ROBO1: variants seen among roughly 807,000 people sequenced by gnomAD.
ROBO1 encodes the protein roundabout homolog 1.
A neutral mutation model predicts 195.9 loss-of-function variants in ROBO1; 149 were observed. The observed-to-expected ratio is 0.76, with a 90% CI of 0.67 to 0.87. The LOEUF is 0.87. ROBO1 is among the 40% of genes least tolerant of loss of function. The pLI is 0.00. For missense variants in ROBO1, 1,933 were observed against 2,068.3 expected, an observed-to-expected ratio of 0.93 and a Z score of 1.27; for synonymous variants, 816 against 733.2, an observed-to-expected ratio of 1.11 and a Z score of -1.82.
Position 79,693,428 on chromosome 3 carries a change from T to A in ROBO1, c.-51+74324A>T, listed in dbSNP as rs531811356. On this transcript the variant is annotated intron_variant, in intron 1 of 30. Transcript: ENST00000464233. ...GTGTGTGTGTGTGTGTGTGTCCTTG[T>A]TTTTTTGTTTGTTTGTTTTGACACA... is the stretch of plus-strand genomic sequence containing the variant. Among the ~76,000 whole-genome samples the A allele has an allele frequency of 2.0e-5, 3 of 151,246 alleles. No homozygotes were observed. The South Asian group carries it at 6.3e-4, about 32-fold the overall frequency.
At chr3:79,625,432 A>AAAAAAAAAAAAAAAAAAAAAAAAAAAAC in intron 1 of ROBO1, among the ~76,000 whole-genome samples, 1 of 143,278 alleles carries the variant, frequency 7.0e-6, no homozygotes, top group African/African-American at 2.5e-5. Context: ...TGAAAAAAAA[A>AAAAAAAAAAAAAAAAAAAAAAAAAAAAC]AAAAAAAAAA....
intron 1 of ROBO1, among the ~76,000 whole-genome samples, chr3:79,634,799 T>C (rs995112101): frequency 6.6e-6 from 1 of 152,210 alleles, no homozygotes; most frequent in African/African-American, 2.4e-5. Context: ...AAAATACTCT[T>C]GTTGTGCCTT....
At chr3:78,810,249 G>C (rs909243764) in intron 4 of ROBO1, among the ~76,000 whole-genome samples, 1 of 152,040 alleles carries the variant, frequency 6.6e-6, no homozygotes, top group Admixed American at 6.6e-5. Flanking sequence ...AATTTGTTTG[G>C]GACATTTTTG....
intron 2 of ROBO1, among the ~76,000 whole-genome samples, chr3:79,572,051 A>G (rs1301984868): frequency 6.6e-6 from 1 of 152,154 alleles, no homozygotes; most frequent in Non-Finnish European, 1.5e-5. Context: ...CTTAATGAAA[A>G]GAAAAATTTA....
chr3:79,459,479 G>C (rs886954524), intron 2 of ROBO1, among the ~76,000 whole-genome samples: 1 of 150,916 alleles, frequency 6.6e-6, no homozygotes, highest in Non-Finnish European at 1.5e-5. Flanking sequence ...GACAAGGAAA[G>C]AGTATATAGA....
intron 4 of ROBO1, among the ~76,000 whole-genome samples, chr3:78,907,662 T>C (rs1306453015): frequency 6.6e-6 from 1 of 152,070 alleles, no homozygotes; most frequent in Non-Finnish European, 1.5e-5. Context: ...TCTGATATAA[T>C]TTACGTCATT....
chr3:79,353,375 AAGAATAT>A (rs1347464931), intron 2 of ROBO1, among the ~76,000 whole-genome samples: 1 of 147,364 alleles, frequency 6.8e-6, no homozygotes, highest in Non-Finnish European at 1.5e-5. Flanking sequence ...ACCTCAAAAA[AAGAATAT>A]AGAAACACAC....
At chr3:78,957,306 A>AG (rs1318985519) in intron 3 of ROBO1, among the ~76,000 whole-genome samples, 2 of 151,852 alleles carry the variant, frequency 1.3e-5, no homozygotes, top group African/African-American at 4.8e-5. Flanking sequence ...GAATGCCAAA[A>AG]AAAAAAAAAA....
At chr3:79,370,335 G>A (rs2036145642) in intron 2 of ROBO1, among the ~76,000 whole-genome samples, 3 of 151,900 alleles carry the variant, frequency 2.0e-5, no homozygotes, top group African/African-American at 7.2e-5. Context: ...TCCAGCCTGG[G>A]TGACAGTGAG....
chr3:78,887,697 C>G (rs934512663), intron 4 of ROBO1, among the ~76,000 whole-genome samples: 1 of 152,122 alleles, frequency 6.6e-6, no homozygotes. Flanking sequence ...CATCTACTAA[C>G]GAAGGGGTGT....
At chr3:78,685,657 TA>T in intron 10 of ROBO1, 88 bp downstream of exon 10, 1 of 850,436 alleles carries the variant, frequency 1.2e-6, no homozygotes, top group Non-Finnish European at 1.7e-6. Context: ...TAAAAAGGTA[TA>T]AAGTTGGAAA....
At chr3:79,600,126 T>C (rs1025650007) in intron 1 of ROBO1, among the ~76,000 whole-genome samples, 1 of 152,046 alleles carries the variant, frequency 6.6e-6, no homozygotes, top group Non-Finnish European at 1.5e-5. Context: ...ATATTGTTCA[T>C]TTCATCATTC....
At chr3:79,076,453 A>T (rs1292875319) in intron 3 of ROBO1, among the ~76,000 whole-genome samples, 1 of 151,460 alleles carries the variant, frequency 6.6e-6, no homozygotes, top group Non-Finnish European at 1.5e-5. Flanking sequence ...TTCAATAAGA[A>T]TGGGGAAACT....
At chr3:79,240,979 T>A (rs1231328466) in intron 2 of ROBO1, among the ~76,000 whole-genome samples, 1 of 152,190 alleles carries the variant, frequency 6.6e-6, no homozygotes, top group Non-Finnish European at 1.5e-5. Flanking sequence ...AAAATTTTTA[T>A]ACTTAATGCA....
chr3:79,165,427 C>T lies in ROBO1; in HGVS notation c.89-39888G>A, dbSNP rs142598988. On this transcript the variant is annotated intron_variant, in intron 2 of 30. Coordinates refer to ENST00000464233, the MANE Select transcript of ROBO1 (RefSeq NM_002941.4). Reference sequence around the variant, plus strand: ...CCTGTTTGAGATTCTTAGGAATGTGCTGAGTGAACTCAGTATCCCCTCCAA... The same window carrying T: ...CCTGTTTGAGATTCTTAGGAATGTGTTGAGTGAACTCAGTATCCCCTCCAA... Among the ~76,000 whole-genome samples, 348 of 152,294 alleles carry T rather than the reference C, an allele frequency of 2.3e-3. 2 individuals are homozygous for T. The highest frequency in any genetic ancestry group is 7.9e-3 in the African/African-American group (327 of 41,566).
rs1186494965 is a variant in ROBO1, at chr3:79,747,676, C to T, written c.-51+20076G>A. Among the ~76,000 whole-genome samples, 9 of 151,990 alleles carry T rather than the reference C, an allele frequency of 5.9e-5. No homozygotes were observed. The South Asian group carries it at 1.7e-3, about 28-fold the overall frequency. On this transcript the variant is annotated intron_variant, in intron 1 of 30. Coordinates refer to ENST00000464233, the MANE Select transcript of ROBO1 (RefSeq NM_002941.4). ...AGGTGTAACATAGTCACCCCACAAACTAAAAGACATCCCAGGAAAACTGAG... is the reference window on the plus strand; with the variant it reads ...AGGTGTAACATAGTCACCCCACAAATTAAAAGACATCCCAGGAAAACTGAG...
At chr3:79,086,466 A>G (rs1014201675) in intron 3 of ROBO1, among the ~76,000 whole-genome samples, 2 of 152,208 alleles carry the variant, frequency 1.3e-5, no homozygotes, top group South Asian at 2.1e-4. Context: ...CTCCAGTACA[A>G]TAAGTAGATT....
intron 2 of ROBO1, among the ~76,000 whole-genome samples, chr3:79,502,382 G>A (rs979924375): frequency 6.6e-6 from 1 of 152,184 alleles, no homozygotes; most frequent in Non-Finnish European, 1.5e-5. Flanking sequence ...GGGCAGTGAG[G>A]GGCTTAGCAC....
chr3:79,149,155 C>G (rs1389526881), intron 2 of ROBO1, among the ~76,000 whole-genome samples: 1 of 151,920 alleles, frequency 6.6e-6, no homozygotes, highest in African/African-American at 2.4e-5. Flanking sequence ...CAGTTGTTAA[C>G]TACTTACCAG....
Sources: allele counts gnomAD v4.1 joint callset (sites outside exome capture counted in the v4.1 genomes callset), GRCh38; gene constraint gnomAD v4.1.1; transcripts MANE v1.5; gene names NCBI Gene and HGNC (gene_info 2026-07-23, HGNC 2026-07-21).